The following AXIN1 variants were observed in gnomAD, a reference collection of about 807,000 sequenced individuals.
The protein encoded by AXIN1 is axin-1.
Under a neutral mutation model 76.4 loss-of-function variants are expected in AXIN1, and 30 were observed. The observed-to-expected ratio is 0.39, with a 90% confidence interval of 0.29 to 0.53. The LOEUF (loss-of-function observed/expected upper bound fraction) is 0.53, where lower values mean the gene tolerates loss of function less well. AXIN1 is among the 20% of genes least tolerant of loss of function. The pLI, the probability that AXIN1 is intolerant of heterozygous loss-of-function variation, is 0.66. For missense variants in AXIN1, 1,140 were observed against 1,198.8 expected (o/e 0.95, Z 0.72); for synonymous variants, 545 against 501.4 (o/e 1.09, Z -1.16).
Position 309,887 on chromosome 16 carries a change from G to GC in AXIN1, c.1116+85dup, listed in dbSNP as rs1219959381. ...GTAAGCCTGGCTCGTGGGAGGCCAG[G>GC]CAAGTGCCTTTCCCGCGGACCAGTT... is the stretch of plus-strand genomic sequence containing the variant. On this transcript the variant is annotated intron_variant, in intron 4 of 10. Coordinates refer to ENST00000262320, the MANE Select transcript of AXIN1 (RefSeq NM_003502.4). 20 of 1,360,120 alleles carry GC rather than the reference G, an allele frequency of 1.5e-5. 1 individual carries two copies. The African/African-American group carries it at 2.6e-4, about 18-fold the overall frequency. 84.3% of individuals were successfully genotyped at this position (1,360,120 alleles called of 1,614,324 possible).
chr16:289,370 C>A (rs2052486312), intron 10 of AXIN1, 70 bp downstream of exon 10: 6 of 1,593,696 alleles, frequency 3.8e-6, no homozygotes, highest in Non-Finnish European at 5.1e-6. Context: ...CGGCTGGAAA[C>A]CCTCTTTTTC....
At chr16:289,750 G>A in intron 9 of AXIN1, 143 bp from the exon 10 acceptor site, 2 of 997,752 alleles carry the variant, frequency 2.0e-6, no homozygotes, top group Non-Finnish European at 1.5e-6. Context: ...GGGGCCCGCA[G>A]CCCCCGCACA....
At chr16:326,898 T>C (rs2141643918) in intron 2 of AXIN1, among the ~76,000 whole-genome samples, 1 of 151,698 alleles carries the variant, frequency 6.6e-6, no homozygotes, top group Middle Eastern at 3.4e-3. Context: ...CCCAACAGTT[T>C]GGGAGGCCGA....
At chr16:307,034 C>T (rs2053045838) in intron 4 of AXIN1, among the ~76,000 whole-genome samples, 1 of 152,222 alleles carries the variant, frequency 6.6e-6, no homozygotes, top group Admixed American at 6.5e-5. Context: ...CAGTGCTGGG[C>T]AAGGCGCAGA....
At chr16:305,390 G>A (rs1182122853) in intron 4 of AXIN1, among the ~76,000 whole-genome samples, 1 of 152,090 alleles carries the variant, frequency 6.6e-6, no homozygotes, top group African/African-American at 2.4e-5. Context: ...GGATCGGATC[G>A]CATAAGTCCT....
chr16:301,049 T>G (rs1037712712), intron 5 of AXIN1, among the ~76,000 whole-genome samples: 2 of 152,028 alleles, frequency 1.3e-5, no homozygotes, highest in African/African-American at 4.8e-5. Flanking sequence ...GGCGGGTGGA[T>G]CACAAGGTCG....
intron 4 of AXIN1, among the ~76,000 whole-genome samples, chr16:308,251 C>T: frequency 6.6e-6 from 1 of 152,166 alleles, no homozygotes; most frequent in Non-Finnish European, 1.5e-5. Flanking sequence ...GTTCTGACGA[C>T]GACACCAGGG....
intron 2 of AXIN1, among the ~76,000 whole-genome samples, chr16:337,587 C>T (rs58919448): frequency 0.22 from 33,499 of 151,858 alleles, 4,185 homozygotes; most frequent in African/African-American, 0.34. Flanking sequence ...AAGCAGCCCA[C>T]TGCAGCTCAC....
In AXIN1 at chr16:297,242, C is replaced by T. The variant is rs1213152508; in HGVS notation, c.1785-16G>A. The T allele has an allele frequency of 1.9e-6, 3 of 1,603,204 alleles. No homozygotes were observed. The highest frequency in any genetic ancestry group is 1.7e-6 in the Non-Finnish European group (2 of 1,179,734). Reference sequence around the variant, plus strand: ...CACCTTCCCACTGCAAGGGCAAGAGCTGCGAGTCGCCCTGGCCTCCGGTGG... The same window carrying T: ...CACCTTCCCACTGCAAGGGCAAGAGTTGCGAGTCGCCCTGGCCTCCGGTGG... On this transcript the variant is annotated splice_polypyrimidine_tract_variant and intron_variant, in intron 6 of 10. Transcript: ENST00000262320.
At chr16:298,443 C>T (rs2052780154) in intron 5 of AXIN1, among the ~76,000 whole-genome samples, 192 bp from the exon 6 acceptor site, 1 of 152,250 alleles carries the variant, frequency 6.6e-6, no homozygotes, top group Admixed American at 6.5e-5. Context: ...GGAGCGGAGA[C>T]AGCAAGGCCT....
chr16:334,280 C>T (rs1330753568), intron 2 of AXIN1, among the ~76,000 whole-genome samples: 1 of 150,002 alleles, frequency 6.7e-6, no homozygotes, highest in African/African-American at 2.5e-5. Flanking sequence ...TAACACAGCA[C>T]CCAGTACCAC....
chr16:314,718 C>T (rs937222316), intron 2 of AXIN1, 35 bp from the exon 3 acceptor site: 2 of 1,611,604 alleles, frequency 1.2e-6, no homozygotes, highest in East Asian at 2.2e-5. Context: ...TTAGTGACAG[C>T]CTGCCAACAG....
intron 2 of AXIN1, among the ~76,000 whole-genome samples, chr16:323,516 T>A (rs1346046279): frequency 6.8e-6 from 1 of 147,950 alleles, no homozygotes; most frequent in Non-Finnish European, 1.5e-5. Context: ...GCACGGTGGC[T>A]CAAAACTGTA....
At chr16:327,835 G>A (rs1358190532) in intron 2 of AXIN1, among the ~76,000 whole-genome samples, 2 of 152,250 alleles carry the variant, frequency 1.3e-5, no homozygotes, top group East Asian at 3.8e-4. Context: ...GATGCAGAAA[G>A]CCCTCACTAC....
chr16:304,353 G>T lies in AXIN1; in HGVS notation c.1205C>A (p.Thr402Lys). ...LIHRLEAVQRTREAEEKLEER... is the reference protein window; with the variant it reads ...LIHRLEAVQRKREAEEKLEER... ...CTCCAGCTTCTCCTCGGCCTCCCGC[G>T]TGCGCTGCACAGCCTCCAGGCGGTG... is the stretch of plus-strand genomic sequence containing the variant. Residue 402 changes from threonine to lysine, a missense_variant, in exon 5 of 11, where the codon ACG (threonine) becomes AAG (lysine). This residue lies in a region of AXIN1 where 708 missense variants were observed against 776.9 expected (regional missense o/e 0.91). Transcript: ENST00000262320. The T allele has an allele frequency of 6.2e-7, 1 of 1,612,564 alleles. No individual in the cohort carries two copies. The highest frequency in any genetic ancestry group is 8.5e-7 in the Non-Finnish European group (1 of 1,179,888).
intron 3 of AXIN1, among the ~76,000 whole-genome samples, chr16:310,601 G>GA (rs1460982823): frequency 6.6e-6 from 1 of 152,214 alleles, no homozygotes; most frequent in Non-Finnish European, 1.5e-5. Flanking sequence ...GTTTCACTGT[G>GA]TTAGCCAGGA....
chr16:318,836 G>A (rs570525609), intron 2 of AXIN1, among the ~76,000 whole-genome samples: 138 of 152,294 alleles, frequency 9.1e-4, no homozygotes, highest in African/African-American at 3.2e-3. Flanking sequence ...TGTGTGCGGT[G>A]AGAATGCGGC....
At position 291,275 on chromosome 16, in the gene AXIN1, G is replaced by A. The variant is rs1219986773; in HGVS notation, c.2209C>T (p.Arg737Trp). 7 of 1,581,938 alleles carry A rather than the reference G, an allele frequency of 4.4e-6. No individual in the cohort carries two copies. The highest frequency in any genetic ancestry group is 4.6e-5 in the East Asian group (2 of 43,644). Reference sequence around the variant, plus strand: ...GCTGGCCTGACGCAGGCGCGTCCCCGCCGCATAACCTCCTGCACATACCTA... The same window carrying A: ...GCTGGCCTGACGCAGGCGCGTCCCCACCGCATAACCTCCTGCACATACCTA... Reference protein sequence around the residue: ...KQRYVQEVMRRGRACVRPACA... With the variant: ...KQRYVQEVMRWGRACVRPACA... Residue 737 changes from arginine to tryptophan, a missense_variant, in exon 9 of 11, where the codon CGG becomes TGG. By Grantham distance (101) the Arg-to-Trp change is moderately radical (BLOSUM62 -3). Transcript: ENST00000262320.
Position 352,371 on chromosome 16 carries a change from G to A in AXIN1, c.-84C>T, listed in dbSNP as rs2054164390. 2.0e-6 allele frequency: 2 copies of A among 979,198 alleles called. No individual in the cohort carries two copies. The highest frequency in any genetic ancestry group is 2.3e-4 in the East Asian group (2 of 8,572). 60.7% of individuals were successfully genotyped at this position (979,198 alleles called of 1,614,324 possible). A position where few individuals can be genotyped will look rare whatever the true frequency, so the allele number is the denominator to read the frequency against. ...CCCCGGAGCCCGGCCCTACTCACCC[G>A]CGCGCGGTGGTGGCGGGACCCCGGG... On this transcript the variant is annotated splice_region_variant and 5_prime_UTR_variant, in exon 1 of 11. Transcript: ENST00000262320.
Sources: allele counts gnomAD v4.1 joint callset (sites outside exome capture counted in the v4.1 genomes callset), GRCh38; gene constraint gnomAD v4.1.1; regional missense constraint gnomAD v4.1.1; transcripts MANE v1.5; gene names NCBI Gene and HGNC (gene_info 2026-07-23, HGNC 2026-07-21).